The following FAM171B variants were observed in gnomAD, a reference collection of about 807,000 sequenced individuals.
FAM171B encodes the protein family with sequence similarity 171 member B, also known as protein FAM171B.
In FAM171B, 19 loss-of-function variants were observed where a neutral mutation model predicts 75.6. The observed-to-expected ratio is 0.25, with a 90% CI of 0.18 to 0.37. FAM171B has a LOEUF of 0.37. Among genes scored for constraint, FAM171B ranks in the 10% least tolerant of loss-of-function variants. The probability of loss-of-function intolerance (pLI) is 1.00; values close to 1 mark genes in which losing one functional copy is unlikely to be tolerated. For missense variants in FAM171B, 848 were observed against 982.4 expected, an observed-to-expected ratio of 0.86 and a Z score of 1.83; for synonymous variants, 367 against 361.7, an observed-to-expected ratio of 1.01 and a Z score of -0.17.
At chr2:186,722,455 G>T (rs1191851099) in intron 1 of FAM171B, among the ~76,000 whole-genome samples, 1 of 152,108 alleles carries the variant, frequency 6.6e-6, no homozygotes, top group East Asian at 1.9e-4. Flanking sequence ...CTAGATTCAA[G>T]GCACTGTGCT....
At chr2:186,730,254 T>G (rs578176252) in intron 1 of FAM171B, among the ~76,000 whole-genome samples, 3 of 152,352 alleles carry the variant, frequency 2.0e-5, no homozygotes, top group Admixed American at 2.0e-4. Flanking sequence ...CCACCACACC[T>G]GGCCAGCTGT....
intron 1 of FAM171B, among the ~76,000 whole-genome samples, chr2:186,722,583 C>T (rs887454218): frequency 3.3e-5 from 5 of 152,084 alleles, no homozygotes; most frequent in African/African-American, 1.2e-4. Flanking sequence ...AAACACCATG[C>T]ATTCATGTAG....
intron 1 of FAM171B, among the ~76,000 whole-genome samples, chr2:186,726,604 T>C (rs553633759): frequency 6.6e-6 from 1 of 152,276 alleles, no homozygotes; most frequent in South Asian, 2.1e-4. Flanking sequence ...GGAGAAAGAC[T>C]CGTAAAACTA....
chr2:186,755,795 T>G (rs927387183), intron 6 of FAM171B, among the ~76,000 whole-genome samples: 1 of 152,186 alleles, frequency 6.6e-6, no homozygotes, highest in Non-Finnish European at 1.5e-5. Context: ...CTGGGACTAA[T>G]TAGCCATATA....
intron 5 of FAM171B, among the ~76,000 whole-genome samples, chr2:186,753,312 C>A (rs557170415): frequency 1.3e-5 from 2 of 152,228 alleles, no homozygotes; most frequent in East Asian, 3.9e-4. Context: ...CCACGCCTGG[C>A]TAATTTTTGT....
chr2:186,729,802 G>A (rs1191477294), intron 1 of FAM171B, among the ~76,000 whole-genome samples: 1 of 152,138 alleles, frequency 6.6e-6, no homozygotes, highest in African/African-American at 2.4e-5. Context: ...CATTGGTTGT[G>A]AGAAAATAAG....
chr2:186,738,335 T>A lies in FAM171B; in HGVS notation c.239-1893T>A, dbSNP rs182021593. Among the ~76,000 whole-genome samples, 75 of 151,872 alleles carry A rather than the reference T, an allele frequency of 4.9e-4. No individual in the cohort carries two copies. The Middle Eastern group carries it at 0.014, about 28-fold the overall frequency. On this transcript the variant is annotated intron_variant, in intron 1 of 7. Transcript: ENST00000304698. ...TAAGGTACACAGACACTGGAGAATATGTAGGGCAGAGAAGAATTTTATTGA... is the reference window on the plus strand; with the variant it reads ...TAAGGTACACAGACACTGGAGAATAAGTAGGGCAGAGAAGAATTTTATTGA...
chr2:186,709,455 A>C (rs945763685), intron 1 of FAM171B, among the ~76,000 whole-genome samples: 12 of 152,236 alleles, frequency 7.9e-5, no homozygotes, highest in Non-Finnish European at 1.3e-4. Context: ...AACTGAATTC[A>C]GAATTCAAAC....
chr2:186,722,578 C>CGTGTTT (rs1239765581), intron 1 of FAM171B, among the ~76,000 whole-genome samples: 3 of 152,100 alleles, frequency 2.0e-5, no homozygotes, highest in African/African-American at 7.2e-5. Flanking sequence ...GCATGAAACA[C>CGTGTTT]CATGCATTCA....
At chr2:186,710,883 T>TACACAC (rs368340956) in intron 1 of FAM171B, among the ~76,000 whole-genome samples, 1 of 150,532 alleles carries the variant, frequency 6.6e-6, no homozygotes, top group African/African-American at 2.4e-5. Context: ...TTACTGTCTT[T>TACACAC]ACACACACAC....
chr2:186,699,196 A>C (rs1156912917), intron 1 of FAM171B, among the ~76,000 whole-genome samples: 1 of 152,058 alleles, frequency 6.6e-6, no homozygotes, highest in Non-Finnish European at 1.5e-5. Context: ...TTTTTGAGGA[A>C]CCTCCTACTG....
rs1432260950 is a variant in FAM171B at position 186,763,158 on chromosome 2, T to G, written c.*335T>G. ...ACAGTGAAATATATACTCCTCAAGTTGCCTCCAAAAATGTTGCCTCTACCA... is the reference window on the plus strand; with the variant it reads ...ACAGTGAAATATATACTCCTCAAGTGGCCTCCAAAAATGTTGCCTCTACCA... On this transcript the variant is annotated 3_prime_UTR_variant, in exon 8 of 8. Coordinates refer to ENST00000304698, the MANE Select transcript of FAM171B (RefSeq NM_177454.4). 4 of 190,274 alleles carry G rather than the reference T, an allele frequency of 2.1e-5. No homozygotes were observed. Among genetic ancestry groups the G allele is most frequent in the Non-Finnish European group, 4.3e-5 (4 of 92,372 alleles). The allele number at this position is 190,274 out of a possible 1,614,324, so 11.8% of individuals were successfully genotyped here.
At chr2:186,740,770 A>G (rs1690278648) in intron 2 of FAM171B, among the ~76,000 whole-genome samples, 1 of 152,154 alleles carries the variant, frequency 6.6e-6, no homozygotes, top group African/African-American at 2.4e-5. Context: ...TTGTTTATAG[A>G]TGACATCTTC....
At chr2:186,751,864 G>C (rs1165270415) in intron 5 of FAM171B, among the ~76,000 whole-genome samples, 1 of 152,040 alleles carries the variant, frequency 6.6e-6, no homozygotes, top group Non-Finnish European at 1.5e-5. Context: ...AGGAGTGTAA[G>C]TTACCAAAAA....
intron 1 of FAM171B, among the ~76,000 whole-genome samples, chr2:186,712,092 A>G (rs982801790): frequency 6.6e-6 from 1 of 152,188 alleles, no homozygotes; most frequent in East Asian, 1.9e-4. Flanking sequence ...ATGTTGGTTC[A>G]TAATATGTTA....
Position 186,763,004 on chromosome 2 carries a change from C to A in FAM171B, c.*181C>A. The stretch of plus-strand genomic sequence containing the variant: ...AGATACCAAGGAATGCTTTTTCTGG[C>A]CTATTCATTTATTTTTGGGTGATGA... On this transcript the variant is annotated 3_prime_UTR_variant, in exon 8 of 8. Coordinates refer to ENST00000304698, the MANE Select transcript of FAM171B (RefSeq NM_177454.4). 2 of 687,652 alleles carry A rather than the reference C, an allele frequency of 2.9e-6. No individual in the cohort carries two copies. Among genetic ancestry groups the A allele is most frequent in the East Asian group, 2.9e-5 (1 of 34,036 alleles). The allele number at this position is 687,652 out of a possible 1,614,324, so 42.6% of individuals were successfully genotyped here. A position where few individuals can be genotyped will look rare whatever the true frequency, so the allele number is the denominator to read the frequency against.
At chr2:186,722,413 T>TA (rs1559084714) in intron 1 of FAM171B, among the ~76,000 whole-genome samples, 1 of 152,074 alleles carries the variant, frequency 6.6e-6, no homozygotes, top group Admixed American at 6.6e-5. Flanking sequence ...ATGGAACCAC[T>TA]AAAAATAGGT....
intron 1 of FAM171B, among the ~76,000 whole-genome samples, chr2:186,718,982 C>G (rs1212077812): frequency 6.6e-6 from 1 of 152,208 alleles, no homozygotes; most frequent in African/African-American, 2.4e-5. Context: ...CATTCATGCT[C>G]TGCTATTCAT....
intron 3 of FAM171B, among the ~76,000 whole-genome samples, chr2:186,744,147 G>A (rs1690333737): frequency 6.6e-6 from 1 of 152,082 alleles, no homozygotes; most frequent in Non-Finnish European, 1.5e-5. Context: ...CTCCCCGCAC[G>A]CCTTAGAAAC....
Sources: gnomAD v4.1 joint callset for allele counts (sites outside exome capture counted in the v4.1 genomes callset) on GRCh38, gnomAD v4.1.1 for gene constraint, MANE v1.5 for transcripts, NCBI Gene and HGNC (gene_info 2026-07-23, HGNC 2026-07-21) for gene names.